SEMA3A: variants seen among roughly 807,000 people sequenced by gnomAD.
SEMA3A encodes the protein semaphorin-3A.
SEMA3A carries 29 observed loss-of-function variants against 97.9 expected under a neutral mutation model. The observed-to-expected ratio is 0.30, with a 90% CI of 0.22 to 0.40. The LOEUF is 0.40. SEMA3A is among the 10% of genes least tolerant of loss of function. The pLI is 1.00. For missense variants in SEMA3A, 763 were observed against 951.3 expected (o/e 0.80, Z 2.60); for synonymous variants, 321 against 323.7 (o/e 0.99, Z 0.09).
At chr7:84,256,868 T>C (rs1332647043) in intron 3 of SEMA3A, among the ~76,000 whole-genome samples, 2 of 152,108 alleles carry the variant, frequency 1.3e-5, no homozygotes, top group Admixed American at 1.3e-4. Context: ...CTTCTTGCAG[T>C]TTGACTATCT....
At chr7:84,278,966 AATT>A (rs1335429854) in intron 3 of SEMA3A, among the ~76,000 whole-genome samples, 2 of 152,140 alleles carry the variant, frequency 1.3e-5, no homozygotes, top group African/African-American at 2.4e-5. Context: ...TGATAATAGT[AATT>A]ATTATAATAC....
chr7:83,964,482 T>C (rs1160636030), intron 15 of SEMA3A, among the ~76,000 whole-genome samples: 1 of 152,216 alleles, frequency 6.6e-6, no homozygotes, highest in African/African-American at 2.4e-5. Context: ...TCATAGCTGA[T>C]GATTTGCTCT....
At chr7:84,350,650 G>A (rs933431718) in intron 2 of SEMA3A, among the ~76,000 whole-genome samples, 1 of 152,052 alleles carries the variant, frequency 6.6e-6, no homozygotes, top group African/African-American at 2.4e-5. Flanking sequence ...AAAATATAAT[G>A]TCTGCTATAT....
intron 1 of SEMA3A, among the ~76,000 whole-genome samples, chr7:84,159,149 AC>A (rs1306675637): frequency 6.6e-6 from 1 of 152,136 alleles, no homozygotes; most frequent in Non-Finnish European, 1.5e-5. Context: ...TATTCTGTCC[AC>A]CTTCCCCTCT....
intron 6 of SEMA3A, among the ~76,000 whole-genome samples, chr7:84,026,386 T>G (rs1041753702): frequency 2.6e-5 from 4 of 152,226 alleles, no homozygotes; most frequent in African/African-American, 9.6e-5. Context: ...CACTTATTTA[T>G]TTGTTTTCTA....
chr7:84,335,274 C>T (rs537010435), intron 2 of SEMA3A, among the ~76,000 whole-genome samples: 11 of 152,184 alleles, frequency 7.2e-5, no homozygotes, highest in African/African-American at 2.4e-4. Flanking sequence ...TAATGGACTA[C>T]ACTACTTTTA....
At chr7:83,963,755 G>A (rs1328419502) in intron 15 of SEMA3A, among the ~76,000 whole-genome samples, 1 of 152,140 alleles carries the variant, frequency 6.6e-6, no homozygotes, top group African/African-American at 2.4e-5. Context: ...ATTGGAATAA[G>A]TTTTTGGAAA....
At chr7:84,143,752 A>G (rs536723279) in intron 1 of SEMA3A, among the ~76,000 whole-genome samples, 1 of 151,902 alleles carries the variant, frequency 6.6e-6, no homozygotes, top group African/African-American at 2.4e-5. Flanking sequence ...TTTTGAGCCC[A>G]GGAATTCAAG....
intron 3 of SEMA3A, among the ~76,000 whole-genome samples, chr7:84,212,926 T>C (rs550527129): frequency 1.4e-4 from 22 of 152,144 alleles, no homozygotes; most frequent in Non-Finnish European, 3.1e-4. Context: ...AATATATTAT[T>C]TGGTTCACAT....
intron 5 of SEMA3A, among the ~76,000 whole-genome samples, chr7:84,053,779 C>T (rs1357282534): frequency 6.9e-6 from 1 of 145,626 alleles, no homozygotes; most frequent in South Asian, 2.3e-4. Flanking sequence ...TTATTTTGCT[C>T]GTTAATTGAT....
chr7:84,312,567 T>A (rs1264253223), intron 2 of SEMA3A, among the ~76,000 whole-genome samples: 1 of 151,424 alleles, frequency 6.6e-6, no homozygotes, highest in Non-Finnish European at 1.5e-5. Context: ...TTTTATAATA[T>A]ATACACATTA....
intron 6 of SEMA3A, among the ~76,000 whole-genome samples, chr7:84,019,373 G>T (rs1791233723): frequency 6.7e-6 from 1 of 148,788 alleles, no homozygotes; most frequent in South Asian, 2.2e-4. Flanking sequence ...GATTAGGAGT[G>T]TACAGAGTAA....
intron 3 of SEMA3A, among the ~76,000 whole-genome samples, chr7:84,255,610 T>A (rs1373307663): frequency 6.6e-6 from 1 of 152,118 alleles, no homozygotes. Context: ...CCTAGAAAAC[T>A]TCAGGGGCGG....
chr7:83,960,014 T>C lies in SEMA3A; in HGVS notation c.*1357A>G, dbSNP rs1788406042. 1 of 152,068 alleles carries C rather than the reference T, an allele frequency of 6.6e-6. No homozygotes were observed. The allele number at this position is 152,068 out of a possible 1,614,324, so 9.4% of individuals were successfully genotyped here. On this transcript the variant is annotated 3_prime_UTR_variant, in exon 17 of 17. Coordinates refer to ENST00000265362, the MANE Select transcript of SEMA3A (RefSeq NM_006080.3). ...TGTAGAAAAGTCCCTCCCATTGATATGAAAAGAGTCATGTGTTTCTTGTAC... is the reference window on the plus strand; with the variant it reads ...TGTAGAAAAGTCCCTCCCATTGATACGAAAAGAGTCATGTGTTTCTTGTAC...
Position 84,005,409 on chromosome 7 carries a change from T to C in SEMA3A, c.1290A>G (p.Gln430=), listed in dbSNP as rs1291976773. The C allele has an allele frequency of 1.2e-6, 2 of 1,613,952 alleles. No individual in the cohort carries two copies. The highest frequency in any genetic ancestry group is 1.1e-5 in the South Asian group (1 of 91,078). ...CTCGGTCTACGACAATTTGTGTAAA[T>C]TGATAATTTACATCCGTTTTGATCA... ...PIVIKTDVNY[Q]FTQIVVDRVD... The change falls in exon 11 of 17, where the codon CAA becomes CAG. Residue 430 remains glutamine (Q), a synonymous_variant. Transcript: ENST00000265362.
intron 1 of SEMA3A, among the ~76,000 whole-genome samples, chr7:84,481,153 G>A (rs1401256360): frequency 1.3e-5 from 2 of 152,114 alleles, no homozygotes; most frequent in Admixed American, 6.6e-5. Flanking sequence ...TAGCTCCAAA[G>A]GCTTCTAAGT....
chr7:84,214,697 C>CTT (rs754365106), intron 3 of SEMA3A, among the ~76,000 whole-genome samples: 142 of 130,958 alleles, frequency 1.1e-3, no homozygotes, highest in East Asian at 2.0e-3. Context: ...TTAGAGCTTA[C>CTT]TTTTTTTTTT....
At chr7:84,491,945 G>C (rs1369052000) in intron 1 of SEMA3A, among the ~76,000 whole-genome samples, 2 of 152,068 alleles carry the variant, frequency 1.3e-5, no homozygotes, top group Non-Finnish European at 2.9e-5. Flanking sequence ...AGAGTTTTTA[G>C]TGTCACTTCT....
At chr7:84,174,597 A>C (rs1037790434) in intron 1 of SEMA3A, among the ~76,000 whole-genome samples, 1 of 152,222 alleles carries the variant, frequency 6.6e-6, no homozygotes, top group Non-Finnish European at 1.5e-5. Flanking sequence ...TATGTTTGTT[A>C]TTTCAGTAAA....
Sources: gnomAD v4.1 joint callset for allele counts (sites outside exome capture counted in the v4.1 genomes callset) on GRCh38, gnomAD v4.1.1 for gene constraint, MANE v1.5 for transcripts, NCBI Gene and HGNC (gene_info 2026-07-23, HGNC 2026-07-21) for gene names.